The following MINDY3 variants were observed in gnomAD, a reference collection of about 807,000 sequenced individuals.
MINDY3 encodes ubiquitin carboxyl-terminal hydrolase MINDY-3.
In MINDY3, 38 loss-of-function variants were observed where a neutral mutation model predicts 69.2. That is an observed-to-expected ratio of 0.55 (90% CI 0.42 to 0.72). The LOEUF (loss-of-function observed/expected upper bound fraction) is 0.72. Ranked by LOEUF, MINDY3 falls within the 30% of genes least tolerant of loss-of-function variation. The probability of loss-of-function intolerance (pLI) is 0.00; values close to 1 mark genes in which losing one functional copy is unlikely to be tolerated. For missense variants in MINDY3, 522 were observed against 519.0 expected (o/e 1.01, Z -0.06); for synonymous variants, 192 against 180.1 (o/e 1.07, Z -0.53).
intron 8 of MINDY3, among the ~76,000 whole-genome samples, chr10:15,831,581 A>G (rs573670264): frequency 6.6e-5 from 10 of 152,212 alleles, no homozygotes; most frequent in Non-Finnish European, 1.5e-4. Context: ...ACATATGTGT[A>G]CATCTCAAGA....
chr10:15,818,314 A>G lies in MINDY3; in HGVS notation c.802-1399T>C, dbSNP rs577304550. Among the ~76,000 whole-genome samples the G allele has an allele frequency of 3.3e-5, 5 of 151,376 alleles. No homozygotes were observed. In the South Asian group the frequency reaches 8.3e-4, roughly 25 times the overall value. On this transcript the variant is annotated intron_variant, in intron 9 of 14. Transcript: ENST00000277632. ...AAAGTGTGTATTTAAATTAAGGTAG[A>G]AGTAAAAAAAAAAAACAAACAAACA...
At chr10:15,855,546 G>A (rs906862546) in intron 1 of MINDY3, among the ~76,000 whole-genome samples, 3 of 152,078 alleles carry the variant, frequency 2.0e-5, no homozygotes, top group Admixed American at 1.3e-4. Flanking sequence ...CAGTACTACA[G>A]ATCACAGAAA....
intron 13 of MINDY3, among the ~76,000 whole-genome samples, chr10:15,786,331 T>C (rs937618725): frequency 2.0e-5 from 3 of 152,140 alleles, no homozygotes; most frequent in Admixed American, 6.5e-5. Flanking sequence ...CGTATCATTA[T>C]GTGTATAGAC....
chr10:15,796,138 T>TCTGAAGGAG lies in MINDY3; in HGVS notation c.908_916dup (p.Ala303_Ser305dup). On this transcript the variant is annotated inframe_insertion, in exon 11 of 15. Coordinates refer to ENST00000277632, the MANE Select transcript of MINDY3 (RefSeq NM_024948.4). ...GGTTTGAAAAACTCTTCTGGCTTGT[T>TCTGAAGGAG]CTGAAGGAGCTTCAGGGGCAACTAA... 6.2e-7 allele frequency: 1 copy of TCTGAAGGAG among 1,612,810 alleles called. No homozygotes were observed. Among genetic ancestry groups the TCTGAAGGAG allele is most frequent in the African/African-American group, 1.3e-5 (1 of 74,974 alleles).
At chr10:15,842,066 C>T (rs1389304301) in intron 3 of MINDY3, among the ~76,000 whole-genome samples, 3 of 151,746 alleles carry the variant, frequency 2.0e-5, no homozygotes, top group African/African-American at 7.3e-5. Flanking sequence ...GAGAGACCGT[C>T]AGCACATATG....
Position 15,789,484 on chromosome 10 carries a change from C to A in MINDY3, c.956-165G>T, listed in dbSNP as rs1277828471. On this transcript the variant is annotated intron_variant, in intron 11 of 14. Transcript: ENST00000277632. The stretch of plus-strand genomic sequence containing the variant: ...GCATAGTGCCTATTGCTATTAGAGA[C>A]CCTCTTCTATTTGTTTTCTTGGAAA... Among the ~76,000 whole-genome samples, 3 of 152,072 alleles carry A rather than the reference C, an allele frequency of 2.0e-5. No homozygotes were observed. In the East Asian group the frequency reaches 5.8e-4, roughly 29 times the overall value.
intron 14 of MINDY3, among the ~76,000 whole-genome samples, chr10:15,781,401 T>TTATATATA (rs372810709): frequency 3.4e-5 from 5 of 145,762 alleles, no homozygotes; most frequent in African/African-American, 1.0e-4. Flanking sequence ...TACATATATA[T>TTATATATA]TATATATATA....
intron 13 of MINDY3, among the ~76,000 whole-genome samples, chr10:15,786,307 C>T (rs1038106252): frequency 3.9e-5 from 6 of 152,048 alleles, no homozygotes; most frequent in Non-Finnish European, 7.4e-5. Flanking sequence ...CTCAAACTTC[C>T]GAACTGTTCT....
At chr10:15,821,759 A>C (rs773933385) in intron 8 of MINDY3, 33 bp from the exon 9 acceptor site, 6 of 1,573,704 alleles carry the variant, frequency 3.8e-6, no homozygotes, top group Admixed American at 3.4e-5. Flanking sequence ...CAAAAAACGA[A>C]AACTTAGCAT....
chr10:15,815,120 AAGTC>A (rs1216817504), intron 10 of MINDY3, among the ~76,000 whole-genome samples: 3 of 152,218 alleles, frequency 2.0e-5, no homozygotes, highest in Non-Finnish European at 4.4e-5. Flanking sequence ...TTTTGTGTGT[AAGTC>A]AGAATTAATT....
At chr10:15,859,202 C>T (rs560910006) in intron 1 of MINDY3, among the ~76,000 whole-genome samples, 5 of 152,218 alleles carry the variant, frequency 3.3e-5, no homozygotes, top group Admixed American at 2.0e-4. Flanking sequence ...GGAGAGATTA[C>T]GTAAATCCTG....
At chr10:15,801,797 T>A (rs1838279288) in intron 10 of MINDY3, among the ~76,000 whole-genome samples, 1 of 151,920 alleles carries the variant, frequency 6.6e-6, no homozygotes, top group African/African-American at 2.4e-5. Flanking sequence ...GAACACTGTG[T>A]CCAGATATTG....
intron 1 of MINDY3, among the ~76,000 whole-genome samples, chr10:15,852,827 G>GGAAA (rs1422810388): frequency 3.3e-5 from 5 of 152,016 alleles, no homozygotes; most frequent in Non-Finnish European, 7.4e-5. Flanking sequence ...AAACACAAAT[G>GGAAA]GAAAATATTT....
chr10:15,828,708 A>G (rs1840258198), intron 8 of MINDY3, among the ~76,000 whole-genome samples: 1 of 152,206 alleles, frequency 6.6e-6, no homozygotes, highest in Admixed American at 6.5e-5. Flanking sequence ...AGTTTCTTAT[A>G]GCTAAAAATG....
intron 8 of MINDY3, among the ~76,000 whole-genome samples, chr10:15,826,253 A>T (rs2132023875): frequency 6.6e-6 from 1 of 152,304 alleles, no homozygotes; most frequent in East Asian, 1.9e-4. Flanking sequence ...GAGAAACATG[A>T]TCTCACTGAG....
At chr10:15,847,466 T>A (rs1353216427) in intron 2 of MINDY3, among the ~76,000 whole-genome samples, 3 of 152,204 alleles carry the variant, frequency 2.0e-5, no homozygotes, top group African/African-American at 7.2e-5. Context: ...CAGAAAAATA[T>A]GAAATCACCT....
At chr10:15,824,292 GTTT>G (rs1005047692) in intron 8 of MINDY3, among the ~76,000 whole-genome samples, 29 of 152,186 alleles carry the variant, frequency 1.9e-4, no homozygotes, top group Middle Eastern at 3.4e-3. Flanking sequence ...CACTTTTGTT[GTTT>G]TTTAACAGCC....
intron 10 of MINDY3, among the ~76,000 whole-genome samples, chr10:15,804,692 T>A (rs1838508885): frequency 6.6e-6 from 1 of 152,200 alleles, no homozygotes; most frequent in Non-Finnish European, 1.5e-5. Flanking sequence ...TTTTACTTTA[T>A]AATGTTTCAC....
rs1225548538 is a variant in MINDY3 at position 15,789,234 on chromosome 10, C to G, written c.1028+13G>C. The stretch of plus-strand genomic sequence containing the variant: ...TTTTGAGTTGGCTAAATAACACTTC[C>G]TATTTAGCTTACTATTCAGGATCTG... On this transcript the variant is annotated intron_variant, in intron 12 of 14. Transcript: ENST00000277632. 6.3e-7 allele frequency: 1 copy of G among 1,590,498 alleles called. No homozygotes were observed. The highest frequency in any genetic ancestry group is 1.7e-5 in the Admixed American group (1 of 59,726).
Sources: allele counts gnomAD v4.1 joint callset (sites outside exome capture counted in the v4.1 genomes callset), GRCh38; gene constraint gnomAD v4.1.1; transcripts MANE v1.5; gene names NCBI Gene and HGNC (gene_info 2026-07-23, HGNC 2026-07-21).